Variants in PGBD2 observed in about 807,000 individuals in gnomAD.
PGBD2 encodes the protein piggyBac transposable element derived 2.
In PGBD2, 6 loss-of-function variants were observed where a neutral mutation model predicts 8.1. That is an observed-to-expected ratio of 0.74 (90% CI 0.40 to 1.46). The LOEUF (loss-of-function observed/expected upper bound fraction) is 1.46, where lower values mean the gene tolerates loss of function less well. Ranked by LOEUF, PGBD2 falls within the 40% of genes most tolerant of loss-of-function variation. The pLI, the probability that PGBD2 is intolerant of heterozygous loss-of-function variation, is 0.02. For synonymous variants in PGBD2, 318 were observed against 272.2 expected (o/e 1.17, Z -1.66); for missense variants, 802 against 739.0 (o/e 1.09, Z -0.99).
At chr1:248,913,744 G>A in intron 1 of PGBD2, 72 bp from the exon 2 acceptor site, 1 of 802,180 alleles carries the variant, frequency 1.2e-6, no homozygotes, top group Non-Finnish European at 2.2e-6. Flanking sequence ...TCCCTTAAAT[G>A]GTAGAAAAGA....
chr1:248,877,612 G>T, the PGBD2 span, among the ~76,000 whole-genome samples: 5 of 152,018 alleles, frequency 3.3e-5, no homozygotes, highest in Non-Finnish European at 5.9e-5. Context: ...CTATTTAAGG[G>T]GCAATAAATG....
At chr1:248,928,525 T>A in the PGBD2 span, among the ~76,000 whole-genome samples, 1 of 152,200 alleles carries the variant, frequency 6.6e-6, no homozygotes, top group Non-Finnish European at 1.5e-5. Flanking sequence ...ACATCCATCA[T>A]TTTTCACTGT....
At chr1:248,927,444 C>T in the PGBD2 span, among the ~76,000 whole-genome samples, 1 of 152,168 alleles carries the variant, frequency 6.6e-6, no homozygotes, top group Non-Finnish European at 1.5e-5. Flanking sequence ...GCATTCTAAA[C>T]AGAGATCTTT....
chr1:248,899,909 G>A, the PGBD2 span, among the ~76,000 whole-genome samples: 28 of 151,338 alleles, frequency 1.9e-4, no homozygotes, highest in Admixed American at 1.8e-3. Flanking sequence ...CACCACTGAC[G>A]CCAATGGAAA....
intron 1 of PGBD2, among the ~76,000 whole-genome samples, chr1:248,907,325 A>G (rs568999070): frequency 6.6e-6 from 1 of 152,370 alleles, no homozygotes; most frequent in East Asian, 1.9e-4. Context: ...CTCCTGCCAT[A>G]GGGCAGTTTT....
the PGBD2 span, among the ~76,000 whole-genome samples, chr1:248,876,705 T>C: frequency 2.0e-5 from 3 of 152,214 alleles, no homozygotes; most frequent in Non-Finnish European, 4.4e-5. Flanking sequence ...ACTTTATCCG[T>C]ATTTATTTTA....
chr1:248,925,498 T>A, the PGBD2 span, among the ~76,000 whole-genome samples: 1 of 152,034 alleles, frequency 6.6e-6, no homozygotes, highest in East Asian at 1.9e-4. Context: ...AAGATGAAGA[T>A]TCAACATATT....
rs762964376 is a variant in PGBD2, at chr1:248,917,568, C to T, written c.984C>T (p.Gly328=). Residue 328 remains glycine, a synonymous_variant, in exon 3 of 3, where the codon GGC becomes GGT. Transcript: ENST00000329291. The stretch of plus-strand genomic sequence containing the variant: ...CAGACAGGAGCTTGGATCTAGGAGG[C>T]AGTATGGTAATAAAATTTGTGGATG... ...TKPDRSLDLG[G]SMVIKFVDAL... The T allele has an allele frequency of 6.2e-6, 10 of 1,613,970 alleles. No homozygotes were observed. The African/African-American group carries it at 6.7e-5, about 11-fold the overall frequency.
intron 2 of PGBD2, 51 bp downstream of exon 2, chr1:248,913,930 G>A: frequency 6.7e-7 from 1 of 1,496,300 alleles, no homozygotes; most frequent in Non-Finnish European, 9.3e-7. Context: ...ATTCCCCTAT[G>A]CTTTTGAAAG....
At chr1:248,879,108 C>T in the PGBD2 span, among the ~76,000 whole-genome samples, 1 of 152,128 alleles carries the variant, frequency 6.6e-6, no homozygotes, top group African/African-American at 2.4e-5. Context: ...GCCTAAATGT[C>T]CTTTCTGCTT....
At chr1:248,897,952 G>T in the PGBD2 span, among the ~76,000 whole-genome samples, 4 of 152,210 alleles carry the variant, frequency 2.6e-5, no homozygotes, top group Non-Finnish European at 5.9e-5. Context: ...GTGGAGCTCA[G>T]CAGCTACGGC....
the PGBD2 span, among the ~76,000 whole-genome samples, chr1:248,886,081 T>C: frequency 6.6e-6 from 1 of 152,198 alleles, no homozygotes; most frequent in Non-Finnish European, 1.5e-5. Flanking sequence ...CAAATAATGG[T>C]TACCAAAGAA....
At chr1:248,924,860 T>G (rs1662352493), downstream of PGBD2, among the ~76,000 whole-genome samples, 1 of 152,192 alleles carries the variant, frequency 6.6e-6, no homozygotes, top group Non-Finnish European at 1.5e-5. Flanking sequence ...CTGTTTTTCT[T>G]ACCACTCAGC....
the PGBD2 span, among the ~76,000 whole-genome samples, chr1:248,878,919 C>T: frequency 6.6e-6 from 1 of 151,984 alleles, no homozygotes; most frequent in Non-Finnish European, 1.5e-5. Flanking sequence ...ATTTAATGGT[C>T]CTATAAAATC....
At chr1:248,926,001 C>T in the PGBD2 span, among the ~76,000 whole-genome samples, 1 of 152,146 alleles carries the variant, frequency 6.6e-6, no homozygotes, top group East Asian at 1.9e-4. Flanking sequence ...TTCAGCTTCA[C>T]CCTTCAGAGA....
chr1:248,908,193 G>C (rs1661728147), intron 1 of PGBD2, among the ~76,000 whole-genome samples: 2 of 152,082 alleles, frequency 1.3e-5, no homozygotes, highest in Admixed American at 6.6e-5. Context: ...TCTTTCCTTG[G>C]AGAAATTTAC....
At chr1:248,922,521 C>A (rs556889625), downstream of PGBD2, among the ~76,000 whole-genome samples, 10 of 152,270 alleles carry the variant, frequency 6.6e-5, 1 homozygote, top group Admixed American at 6.5e-4. Context: ...GAGAGGGCAT[C>A]CTTGTCTTGT....
At chr1:248,897,317 TGCCA>T in the PGBD2 span, among the ~76,000 whole-genome samples, 1 of 141,828 alleles carries the variant, frequency 7.1e-6, no homozygotes. Flanking sequence ...TGAGGTCCCG[TGCCA>T]GCCGATGGAA....
the PGBD2 span, among the ~76,000 whole-genome samples, chr1:248,894,601 C>T: frequency 1.3e-5 from 2 of 152,096 alleles, no homozygotes; most frequent in Non-Finnish European, 2.9e-5. Context: ...TGATTTTAAC[C>T]TGTATTCTTT....
Sources: gnomAD v4.1 joint callset for allele counts (sites outside exome capture counted in the v4.1 genomes callset) on GRCh38, gnomAD v4.1.1 for gene constraint, MANE v1.5 for transcripts, NCBI Gene and HGNC (gene_info 2026-07-23, HGNC 2026-07-21) for gene names.